The following CADM2 variants were observed in gnomAD, a reference collection of about 807,000 sequenced individuals.
CADM2 encodes the protein cell adhesion molecule 2.
In CADM2, 12 loss-of-function variants were observed where a neutral mutation model predicts 49.8. The observed-to-expected ratio is 0.24, with a 90% confidence interval of 0.15 to 0.39. The LOEUF is 0.39. CADM2 is among the 10% of genes least tolerant of loss of function. The pLI is 1.00. For synonymous variants in CADM2, 214 were observed against 175.4 expected (o/e 1.22, Z -1.74); for missense variants, 378 against 492.3 (o/e 0.77, Z 2.20).
At chr3:85,952,259 C>G (rs1207363426) in intron 7 of CADM2, among the ~76,000 whole-genome samples, 1 of 150,716 alleles carries the variant, frequency 6.6e-6, no homozygotes, top group African/African-American at 2.4e-5. Flanking sequence ...TTTTTTCTTG[C>G]TCCAATGACA....
At chr3:85,370,927 A>G (rs1315970903) in intron 1 of CADM2, among the ~76,000 whole-genome samples, 1 of 152,310 alleles carries the variant, frequency 6.6e-6, no homozygotes, top group Non-Finnish European at 1.5e-5. Flanking sequence ...TTTTAACAAA[A>G]GAGTTTAAAA....
chr3:85,129,512 T>C (rs1277972078), intron 1 of CADM2, among the ~76,000 whole-genome samples: 1 of 152,232 alleles, frequency 6.6e-6, no homozygotes, highest in Non-Finnish European at 1.5e-5. Flanking sequence ...ATTAGAGTAG[T>C]AGTTTGATTC....
intron 8 of CADM2, among the ~76,000 whole-genome samples, chr3:86,049,185 C>T (rs969745931): frequency 6.6e-5 from 10 of 151,960 alleles, no homozygotes; most frequent in African/African-American, 1.2e-4. Flanking sequence ...TGAGCTGTTG[C>T]GTTAGAATGT....
At chr3:85,599,006 C>A (rs955384547) in intron 1 of CADM2, among the ~76,000 whole-genome samples, 5 of 151,788 alleles carry the variant, frequency 3.3e-5, no homozygotes, top group African/African-American at 9.7e-5. Flanking sequence ...TCATTTATAA[C>A]CCTTAAGAAT....
chr3:85,435,773 A>G (rs2036898897), intron 1 of CADM2, among the ~76,000 whole-genome samples: 1 of 152,052 alleles, frequency 6.6e-6, no homozygotes, highest in South Asian at 2.1e-4. Flanking sequence ...ACCAGTGATG[A>G]TGAGCTTTTT....
At chr3:85,334,291 AG>A (rs1340453526) in intron 1 of CADM2, among the ~76,000 whole-genome samples, 1 of 151,622 alleles carries the variant, frequency 6.6e-6, no homozygotes, top group Non-Finnish European at 1.5e-5. Flanking sequence ...ATCAACAAAA[AG>A]CAGCCTCACA....
At chr3:85,471,723 A>ATTTTATTTTATTTTG (rs1553727402) in intron 1 of CADM2, among the ~76,000 whole-genome samples, 1 of 150,642 alleles carries the variant, frequency 6.6e-6, no homozygotes, top group African/African-American at 2.4e-5. Flanking sequence ...ATTTTATTTT[A>ATTTTATTTTATTTTG]TTATACTTTA....
At chr3:85,552,627 A>G (rs2061840865) in intron 1 of CADM2, among the ~76,000 whole-genome samples, 1 of 151,422 alleles carries the variant, frequency 6.6e-6, no homozygotes, top group African/African-American at 2.4e-5. Flanking sequence ...TGATCCGCCC[A>G]CCTCAACCTA....
At chr3:86,002,567 A>C (rs994458279) in intron 8 of CADM2, among the ~76,000 whole-genome samples, 7 of 152,122 alleles carry the variant, frequency 4.6e-5, no homozygotes, top group Admixed American at 4.6e-4. Flanking sequence ...GTTTCTCTTC[A>C]AGTCTGCACA....
At chr3:85,715,773 G>A in intron 1 of CADM2, among the ~76,000 whole-genome samples, 1 of 152,112 alleles carries the variant, frequency 6.6e-6, no homozygotes, top group East Asian at 1.9e-4. Flanking sequence ...TTCAGTTCCT[G>A]TGTTAGTTTC....
rs201984761 is a variant in CADM2 at position 85,132,642 on chromosome 3, A to T, written c.61+172974A>T. ...AAGGATATATTATATATATATATAT[A>T]TTTAGTCATTAGACCCTCTCAGTAA... On this transcript the variant is annotated intron_variant, in intron 1 of 9. Transcript: ENST00000383699. 1.9e-3 allele frequency among the ~76,000 whole-genome samples: 289 copies of T among 151,626 alleles called. 2 individuals carry two copies. In the East Asian group the frequency reaches 0.034, roughly 18 times the overall value.
chr3:85,948,126 A>T (rs1722963595), intron 7 of CADM2, among the ~76,000 whole-genome samples: 2 of 151,518 alleles, frequency 1.3e-5, no homozygotes, highest in Non-Finnish European at 3.0e-5. Context: ...ATTACATTTA[A>T]GCATTTTACT....
intron 1 of CADM2, among the ~76,000 whole-genome samples, chr3:85,387,149 G>A (rs549430916): frequency 2.0e-5 from 3 of 152,130 alleles, no homozygotes; most frequent in South Asian, 4.1e-4. Flanking sequence ...TAGCAAAAAG[G>A]GATGGAAAGC....
At chr3:84,959,802 G>T in intron 1 of CADM2, 134 bp downstream of exon 1, 2 of 807,078 alleles carry the variant, frequency 2.5e-6, no homozygotes, top group Non-Finnish European at 4.0e-6. Context: ...CCTACTCTCT[G>T]GTGCGGCAGG....
intron 2 of CADM2, among the ~76,000 whole-genome samples, chr3:85,783,201 T>C (rs1007709379): frequency 1.3e-5 from 2 of 152,098 alleles, no homozygotes; most frequent in African/African-American, 4.8e-5. Context: ...TAACCAAGGA[T>C]TAGATTTATA....
chr3:84,989,031 G>C (rs974782071), intron 1 of CADM2, among the ~76,000 whole-genome samples: 3 of 152,140 alleles, frequency 2.0e-5, no homozygotes, highest in African/African-American at 7.2e-5. Context: ...ATCCAGTTAA[G>C]GTGCCATTCA....
chr3:85,775,696 T>C (rs922706686), intron 2 of CADM2, among the ~76,000 whole-genome samples: 4 of 151,850 alleles, frequency 2.6e-5, no homozygotes, highest in Non-Finnish European at 4.4e-5. Flanking sequence ...TTTTACAAGA[T>C]TACTAGAGGT....
At chr3:85,970,918 G>A (rs1050187418) in intron 8 of CADM2, among the ~76,000 whole-genome samples, 3 of 150,374 alleles carry the variant, frequency 2.0e-5, no homozygotes, top group East Asian at 2.0e-4. Flanking sequence ...ATATAACCTA[G>A]TATGGGTTAA....
intron 1 of CADM2, among the ~76,000 whole-genome samples, chr3:85,558,799 A>G (rs767611752): frequency 1.3e-5 from 2 of 152,072 alleles, no homozygotes; most frequent in African/African-American, 2.4e-5. Context: ...ATATGTTTAA[A>G]GCATCTCGTT....
Sources: gnomAD v4.1 joint callset for allele counts (sites outside exome capture counted in the v4.1 genomes callset) on GRCh38, gnomAD v4.1.1 for gene constraint, MANE v1.5 for transcripts, NCBI Gene and HGNC (gene_info 2026-07-23, HGNC 2026-07-21) for gene names.